DIP2A: variants seen among roughly 807,000 people sequenced by gnomAD.
The protein encoded by DIP2A is DIP2 acetate--CoA ligase A.
In DIP2A, 85 loss-of-function variants were observed where a neutral mutation model predicts 177.4. The observed-to-expected ratio is 0.48, with a 90% confidence interval of 0.40 to 0.57. The LOEUF is 0.57. Among genes scored for constraint, DIP2A ranks in the 20% least tolerant of loss-of-function variants. The pLI, the probability that DIP2A is intolerant of heterozygous loss-of-function variation, is 0.00. For missense variants in DIP2A, 1,791 were observed against 2,100.2 expected (o/e 0.85, Z 2.88); for synonymous variants, 886 against 881.8 (o/e 1.00, Z -0.08).
At chr21:46,575,253 A>G in the DIP2A span, among the ~76,000 whole-genome samples, 28 of 152,290 alleles carry the variant, frequency 1.8e-4, no homozygotes, top group African/African-American at 6.7e-4. Flanking sequence ...GAAAAAAACA[A>G]CTAGGAATAA....
intron 6 of DIP2A, among the ~76,000 whole-genome samples, chr21:46,507,390 A>G (rs973783910): frequency 2.0e-5 from 3 of 152,196 alleles, no homozygotes; most frequent in African/African-American, 7.2e-5. Context: ...ATTTTAGCCT[A>G]AGTATCAGGT....
At chr21:46,502,419 A>G (rs182363640) in intron 5 of DIP2A, among the ~76,000 whole-genome samples, 117 of 140,788 alleles carry the variant, frequency 8.3e-4, no homozygotes, top group African/African-American at 3.0e-3. Context: ...AGTGTGAGCC[A>G]CTGCACAGCT....
At chr21:46,551,336 A>G (rs569626249) in intron 23 of DIP2A, among the ~76,000 whole-genome samples, 1 of 152,328 alleles carries the variant, frequency 6.6e-6, no homozygotes, top group East Asian at 1.9e-4. Context: ...TGATTTATAC[A>G]TAAAGTACAG....
At chr21:46,461,272 A>C (rs1258850050) in intron 1 of DIP2A, among the ~76,000 whole-genome samples, 1 of 59,332 alleles carries the variant, frequency 1.7e-5, no homozygotes, top group Non-Finnish European at 3.6e-5. Context: ...TCTTCTCACC[A>C]AAAAAAAAAA....
intron 8 of DIP2A, among the ~76,000 whole-genome samples, chr21:46,523,462 G>T (rs1352518481): frequency 7.1e-6 from 1 of 140,572 alleles, no homozygotes; most frequent in Non-Finnish European, 1.5e-5. Flanking sequence ...GGCCAGGCTG[G>T]TCTTGAACCC....
At chr21:46,490,533 A>G (rs550162938) in intron 2 of DIP2A, 67 bp from the exon 3 acceptor site, 54 of 1,499,530 alleles carry the variant, frequency 3.6e-5, no homozygotes, top group Middle Eastern at 3.5e-4. Context: ...GCTGTTTTCA[A>G]TGGACTTTTT....
At chr21:46,468,647 A>G (rs1340601817) in intron 1 of DIP2A, among the ~76,000 whole-genome samples, 1 of 152,200 alleles carries the variant, frequency 6.6e-6, no homozygotes, top group East Asian at 1.9e-4. Context: ...ATAGTTAACA[A>G]TACTGTATTG....
At chr21:46,515,568 G>A (rs1484021696) in intron 8 of DIP2A, among the ~76,000 whole-genome samples, 1 of 151,672 alleles carries the variant, frequency 6.6e-6, no homozygotes, top group Non-Finnish European at 1.5e-5. Flanking sequence ...ACAAGGTTGT[G>A]TTCGGTCACC....
At chr21:46,489,595 G>A (rs908799707) in intron 2 of DIP2A, among the ~76,000 whole-genome samples, 4 of 152,212 alleles carry the variant, frequency 2.6e-5, no homozygotes, top group Non-Finnish European at 5.9e-5. Context: ...CTGCCACACT[G>A]CGCTTGTTGG....
At chr21:46,511,359 C>T in intron 7 of DIP2A, 58 bp from the exon 8 acceptor site, 1 of 1,487,782 alleles carries the variant, frequency 6.7e-7, no homozygotes, top group Non-Finnish European at 9.1e-7. Context: ...TGCTTAAAAA[C>T]AGAATGTGTT....
Position 46,506,125 on chromosome 21 carries a change from C to CT in DIP2A, c.784+1645dup, listed in dbSNP as rs113867102. On this transcript the variant is annotated intron_variant, in intron 6 of 37. Coordinates refer to ENST00000417564, the MANE Select transcript of DIP2A (RefSeq NM_015151.4). ...GAATTATATTGTAGGTGTATTTCAC[C>CT]TTTTTTTTTGGAGACTGAGTCTCAC... Among the ~76,000 whole-genome samples the CT allele has an allele frequency of 3.8e-4, 58 of 151,140 alleles. 3 individuals carry two copies. Among genetic ancestry groups the CT allele is most frequent in the African/African-American group, 1.0e-3 (43 of 41,282 alleles).
Position 46,533,984 on chromosome 21 carries a change from G to A in DIP2A, c.1430-20G>A. 6.2e-7 allele frequency: 1 copy of A among 1,604,040 alleles called. No homozygotes were observed. Among genetic ancestry groups the A allele is most frequent in the Non-Finnish European group, 8.5e-7 (1 of 1,173,316 alleles). On this transcript the variant is annotated intron_variant, in intron 11 of 37. Coordinates refer to ENST00000417564, the MANE Select transcript of DIP2A (RefSeq NM_015151.4). Reference sequence around the variant, plus strand: ...TGCCTCTGACTGCTTGCTGTTCTGTGTCCTGTCTGTGTGTCACAGGTTGGC... The same window carrying A: ...TGCCTCTGACTGCTTGCTGTTCTGTATCCTGTCTGTGTGTCACAGGTTGGC...
rs376553079 is a variant in DIP2A at position 46,496,999 on chromosome 21, G to A, written c.295G>A (p.Glu99Lys). 3 of 1,602,038 alleles carry A rather than the reference G, an allele frequency of 1.9e-6. No homozygotes were observed. Among genetic ancestry groups the A allele is most frequent in the Non-Finnish European group, 2.6e-6 (3 of 1,174,818 alleles). ...TCCTTCCTGTGTAGATGTCCACACTGAAGCCGTGCAAGCAGCTTTGGCCAA... is the reference window on the plus strand; with the variant it reads ...TCCTTCCTGTGTAGATGTCCACACTAAAGCCGTGCAAGCAGCTTTGGCCAA... ...DERFRSDVHT[E>K]AVQAALAKYK... The change falls in exon 4 of 38, where the codon GAA becomes AAA. Residue 99 changes from glutamate to lysine, a missense_variant. By Grantham distance (56) the Glu-to-Lys change is moderately conservative (BLOSUM62 1). Coordinates refer to ENST00000417564, the MANE Select transcript of DIP2A (RefSeq NM_015151.4).
intron 1 of DIP2A, among the ~76,000 whole-genome samples, chr21:46,477,074 A>C: frequency 6.6e-6 from 1 of 152,000 alleles, no homozygotes; most frequent in East Asian, 1.9e-4. Context: ...TCAGGTATGG[A>C]TCACTCCTCG....
intron 8 of DIP2A, among the ~76,000 whole-genome samples, chr21:46,526,262 A>T (rs990416501): frequency 6.6e-6 from 1 of 151,798 alleles, no homozygotes; most frequent in South Asian, 2.1e-4. Context: ...CCTCCATTCA[A>T]ATATTTTTTA....
Position 46,566,585 on chromosome 21 carries a change from T to C in DIP2A, c.4365T>C (p.Val1455=). ...SGGRHDALYV[V]GSLDETLELR... The stretch of plus-strand genomic sequence containing the variant: ...GGCGGCACGATGCACTGTATGTGGT[T>C]GGGTCTCTGGATGAAACTCTGGAGC... The change falls in exon 37 of 38, where the codon GTT becomes GTC. Residue 1455 remains valine (V), a synonymous_variant. Coordinates refer to ENST00000417564, the MANE Select transcript of DIP2A (RefSeq NM_015151.4). The C allele has an allele frequency of 6.2e-7, 1 of 1,614,116 alleles. No individual in the cohort carries two copies. The highest frequency in any genetic ancestry group is 8.5e-7 in the Non-Finnish European group (1 of 1,179,980).
At chr21:46,466,092 A>T (rs891319599) in intron 1 of DIP2A, among the ~76,000 whole-genome samples, 3 of 152,230 alleles carry the variant, frequency 2.0e-5, no homozygotes, top group Non-Finnish European at 2.9e-5. Flanking sequence ...ACAGTTTCTC[A>T]ATAGTTAACG....
chr21:46,557,593 C>T lies in DIP2A; in HGVS notation c.3638C>T (p.Ser1213Leu), dbSNP rs370489654. ...FALWCLCSVY[S>L]GHQSVLVPPL... ...AGCCTTCCCTCTCGCAGTGTCTACT[C>T]GGGACACCAATCAGTGCTGGTGCCC... is the stretch of plus-strand genomic sequence containing the variant. The change falls in exon 31 of 38, where the codon TCG becomes TTG. Residue 1213 changes from serine (S) to leucine (L), a missense_variant. By Grantham distance (145) the Ser-to-Leu change is moderately radical. Coordinates refer to ENST00000417564, the MANE Select transcript of DIP2A (RefSeq NM_015151.4). This position sits in a 1 kb window ranked among gnomAD's most constrained non-coding sequence, Gnocchi z 6.0. The T allele has an allele frequency of 8.1e-6, 13 of 1,611,356 alleles. No homozygotes were observed. The highest frequency in any genetic ancestry group is 1.3e-5 in the African/African-American group (1 of 74,886).
rs568022558 is a variant in DIP2A, at chr21:46,562,004, C to T, written c.4089+199C>T. 5.7e-5 allele frequency: 48 copies of T among 841,272 alleles called. No individual in the cohort carries two copies. The African/African-American group carries it at 8.5e-4, about 15-fold the overall frequency. 52.1% of individuals were successfully genotyped at this position (841,272 alleles called of 1,614,324 possible). On this transcript the variant is annotated intron_variant, in intron 34 of 37. Transcript: ENST00000417564. Reference sequence around the variant, plus strand: ...AATTACTTAGTTATGTTTTTAAACACACATCTGAGCTCAAAGCCAAGAAAG... The same window carrying T: ...AATTACTTAGTTATGTTTTTAAACATACATCTGAGCTCAAAGCCAAGAAAG...
Sources: gnomAD v4.1 joint callset for allele counts (sites outside exome capture counted in the v4.1 genomes callset) on GRCh38, gnomAD v4.1.1 for gene constraint, Gnocchi (gnomAD v3.1) non-coding constraint, MANE v1.5 for transcripts, NCBI Gene and HGNC (gene_info 2026-07-23, HGNC 2026-07-21) for gene names.